Variants in VPS37A observed in about 807,000 individuals in gnomAD.
VPS37A encodes VPS37A subunit of ESCRT-I.
Under a neutral mutation model 49.8 loss-of-function variants are expected in VPS37A, and 30 were observed. The observed-to-expected ratio is 0.60, with a 90% confidence interval of 0.45 to 0.82. The LOEUF (loss-of-function observed/expected upper bound fraction) is 0.82, where lower values mean the gene tolerates loss of function less well. Ranked by LOEUF, VPS37A falls within the 40% of genes least tolerant of loss-of-function variation. The pLI, the probability that VPS37A is intolerant of heterozygous loss-of-function variation, is 0.00. For missense variants in VPS37A, 593 were observed against 464.4 expected (o/e 1.28, Z -2.55); for synonymous variants, 195 against 160.6 (o/e 1.21, Z -1.62).
At chr8:17,260,234 G>A (rs971165676) in intron 1 of VPS37A, among the ~76,000 whole-genome samples, 1 of 151,904 alleles carries the variant, frequency 6.6e-6, no homozygotes, top group African/African-American at 2.4e-5. Flanking sequence ...ATAGGTTTTT[G>A]CACTGTGGTT....
chr8:17,310,936 C>T, the VPS37A span, among the ~76,000 whole-genome samples: 1 of 152,128 alleles, frequency 6.6e-6, no homozygotes, highest in African/African-American at 2.4e-5. Flanking sequence ...TAGTTGAAAG[C>T]AACGTTACAT....
intron 1 of VPS37A, among the ~76,000 whole-genome samples, chr8:17,263,142 A>T (rs1308286550): frequency 6.6e-6 from 1 of 152,166 alleles, no homozygotes; most frequent in East Asian, 1.9e-4. Flanking sequence ...AGAGTAACTT[A>T]CAAAATTGAT....
intron 1 of VPS37A, 136 bp downstream of exon 1, chr8:17,247,505 C>G (rs967534485): frequency 4.0e-6 from 5 of 1,238,736 alleles, no homozygotes; most frequent in Non-Finnish European, 5.6e-6. Flanking sequence ...GTGGGTCACA[C>G]GCTTGCTCTG....
chr8:17,320,032 T>C, the VPS37A span, among the ~76,000 whole-genome samples: 17 of 152,094 alleles, frequency 1.1e-4, no homozygotes, highest in African/African-American at 4.1e-4. Context: ...ACACAAAAAA[T>C]GCAAAAACAC....
At chr8:17,311,498 T>A in the VPS37A span, 1 of 1,614,020 alleles carries the variant, frequency 6.2e-7, no homozygotes, top group Admixed American at 1.7e-5. Context: ...AATCGCCCAG[T>A]GGCCACACTC....
the VPS37A span, among the ~76,000 whole-genome samples, chr8:17,330,205 C>T: frequency 1.3e-5 from 2 of 152,236 alleles, no homozygotes; most frequent in Non-Finnish European, 2.9e-5. Flanking sequence ...GCTTAAGTAA[C>T]TGAGAGCAAA....
rs533527756 is a variant in VPS37A at position 17,288,973 on chromosome 8, A to C, written c.*2546A>C. On this transcript the variant is annotated intron_variant, in intron 11 of 11. Coordinates refer to ENST00000324849, the MANE Select transcript of VPS37A (RefSeq NM_152415.3). ...ATTTGCATGTCTCTAGTGACCAGTGATGATGAGCTTTTTTTCATGTTGGTT... is the reference window on the plus strand; with the variant it reads ...ATTTGCATGTCTCTAGTGACCAGTGCTGATGAGCTTTTTTTCATGTTGGTT... 3.3e-5 allele frequency among the ~76,000 whole-genome samples: 5 copies of C among 152,308 alleles called. No homozygotes were observed. The East Asian group carries it at 9.7e-4, about 29-fold the overall frequency.
downstream of VPS37A, chr8:17,304,541 T>C (rs781700258): frequency 2.5e-6 from 4 of 1,605,638 alleles, no homozygotes; most frequent in East Asian, 4.5e-5. Context: ...AAAATAAGTC[T>C]ATAAATGACC....
chr8:17,293,723 G>A (rs1816355341), intron 11 of VPS37A, among the ~76,000 whole-genome samples: 1 of 152,206 alleles, frequency 6.6e-6, no homozygotes, highest in East Asian at 1.9e-4. Context: ...CTGCAGGTCT[G>A]CTGGAGTTTG....
At chr8:17,247,397 GGA>G in intron 1 of VPS37A, 28 bp downstream of exon 1, 1 of 393,366 alleles carries the variant, frequency 2.5e-6, no homozygotes, top group East Asian at 9.1e-5. Flanking sequence ...CTCCACCGGA[GGA>G]AAAAGTAGGG....
intron 10 of VPS37A, among the ~76,000 whole-genome samples, chr8:17,285,915 GT>G (rs889800351): frequency 6.6e-6 from 1 of 151,954 alleles, no homozygotes; most frequent in African/African-American, 2.4e-5. Context: ...GCGTTTTTTT[GT>G]TTTTTTGGTT....
intron 11 of VPS37A, among the ~76,000 whole-genome samples, chr8:17,288,325 A>T (rs548863706): frequency 1.0e-3 from 157 of 152,148 alleles, no homozygotes; most frequent in Non-Finnish European, 1.9e-3. Flanking sequence ...GCACCCATCA[A>T]CCTGTCATTG....
rs563329586 is a variant in VPS37A at position 17,264,533 on chromosome 8, G to C, written c.126-1374G>C. On this transcript the variant is annotated intron_variant, in intron 1 of 11. Transcript: ENST00000324849. ...ATTCCTTAGGATATCAGAGAGGAAA[G>C]CTTATCTACATCTACAGTTTTTCTG... 1.8e-4 allele frequency among the ~76,000 whole-genome samples: 28 copies of C among 152,272 alleles called. No homozygotes were observed. The South Asian group carries it at 5.8e-3, about 32-fold the overall frequency.
At chr8:17,314,068 C>G in the VPS37A span, among the ~76,000 whole-genome samples, 1 of 152,152 alleles carries the variant, frequency 6.6e-6, no homozygotes, top group Non-Finnish European at 1.5e-5. Context: ...ACAACTAAGG[C>G]AGGTGTATAA....
chr8:17,269,330 ACT>A (rs1427101390), intron 4 of VPS37A, among the ~76,000 whole-genome samples: 5 of 151,536 alleles, frequency 3.3e-5, no homozygotes, highest in African/African-American at 1.2e-4. Flanking sequence ...TATTACTGTG[ACT>A]CTCAATATTG....
chr8:17,266,015 A>G, intron 2 of VPS37A, 34 bp downstream of exon 2: 1 of 1,569,416 alleles, frequency 6.4e-7, no homozygotes, highest in Non-Finnish European at 8.7e-7. Flanking sequence ...TTTCATGTAA[A>G]AGGACTTAAC....
intron 1 of VPS37A, chr8:17,247,774 C>A (rs1811445137): frequency 1.4e-6 from 1 of 702,418 alleles, no homozygotes; most frequent in South Asian, 1.5e-5. Context: ...CCAGGTTTCA[C>A]AAAGAATGGA....
At chr8:17,320,786 G>A in the VPS37A span, among the ~76,000 whole-genome samples, 1 of 152,304 alleles carries the variant, frequency 6.6e-6, no homozygotes, top group South Asian at 2.1e-4. Context: ...ACGCGGCCCT[G>A]AAACACGGCC....
chr8:17,301,427 G>C (rs571548481), downstream of VPS37A, among the ~76,000 whole-genome samples: 3 of 152,276 alleles, frequency 2.0e-5, no homozygotes, highest in African/African-American at 7.2e-5. Flanking sequence ...GGGACAGTGA[G>C]AGGACAAACA....
Sources: gnomAD v4.1 joint callset for allele counts (sites outside exome capture counted in the v4.1 genomes callset) on GRCh38, gnomAD v4.1.1 for gene constraint, MANE v1.5 for transcripts, NCBI Gene and HGNC (gene_info 2026-07-23, HGNC 2026-07-21) for gene names.